PRKN: variants seen among roughly 807,000 people sequenced by gnomAD.
The protein encoded by PRKN is parkin RBR E3 ubiquitin protein ligase.
In PRKN, 56 loss-of-function variants were observed where a neutral mutation model predicts 59.5. That is an observed-to-expected ratio of 0.94 (90% CI 0.76 to 1.18). PRKN has a LOEUF of 1.18. Among genes scored for constraint, PRKN ranks in the 50% most tolerant of loss-of-function variants. The probability of loss-of-function intolerance (pLI) is 0.00; values close to 1 mark genes in which losing one functional copy is unlikely to be tolerated. For missense variants in PRKN, 657 were observed against 596.4 expected, an observed-to-expected ratio of 1.10 and a Z score of -1.06; for synonymous variants, 250 against 222.1, an observed-to-expected ratio of 1.13 and a Z score of -1.12.
At chr6:162,135,697 T>G (rs1049394793) in intron 4 of PRKN, among the ~76,000 whole-genome samples, 14 of 151,982 alleles carry the variant, frequency 9.2e-5, no homozygotes, top group Admixed American at 6.6e-5. Flanking sequence ...AGAGGGTCTT[T>G]GCAATGGGCT....
chr6:161,590,702 C>T (rs1465961191), intron 7 of PRKN, among the ~76,000 whole-genome samples: 1 of 150,096 alleles, frequency 6.7e-6, no homozygotes, highest in East Asian at 2.0e-4. Flanking sequence ...CACTGCACTC[C>T]AGCCTGGGTG....
At chr6:161,853,981 C>T (rs947630234) in intron 6 of PRKN, among the ~76,000 whole-genome samples, 1 of 151,608 alleles carries the variant, frequency 6.6e-6, no homozygotes, top group African/African-American at 2.4e-5. Flanking sequence ...TATGGTGGCT[C>T]ATGCCTGTAA....
At chr6:161,957,406 G>A (rs948361349) in intron 6 of PRKN, among the ~76,000 whole-genome samples, 4 of 131,434 alleles carry the variant, frequency 3.0e-5, no homozygotes, top group Admixed American at 2.3e-4. Context: ...TGTTGTTCTT[G>A]TTGTTTTTTT....
chr6:162,225,886 G>GTATATATATA (rs58925653), intron 3 of PRKN, among the ~76,000 whole-genome samples: 5,220 of 143,008 alleles, frequency 0.037, 144 homozygotes, highest in South Asian at 0.089. Context: ...ATGTAGGGCT[G>GTATATATATA]TATATATATA....
At chr6:161,961,430 T>C (rs143270396) in intron 6 of PRKN, among the ~76,000 whole-genome samples, 156 of 152,310 alleles carry the variant, frequency 1.0e-3, no homozygotes, top group African/African-American at 3.5e-3. Context: ...GTGCATGCTC[T>C]GCTCAAACAC....
At chr6:161,968,169 C>T (rs866868720) in intron 6 of PRKN, among the ~76,000 whole-genome samples, 5 of 149,730 alleles carry the variant, frequency 3.3e-5, no homozygotes, top group East Asian at 2.0e-4. Flanking sequence ...TACAGGCGCG[C>T]GCCACCATGC....
Position 161,643,800 on chromosome 6 carries a change from A to T in PRKN, c.872-74384T>A, listed in dbSNP as rs550165099. Reference sequence around the variant, plus strand: ...TACTAAAACAAGTAAAATTTTTTTTAAAAAAACTTTCATATTAGGCATAAT... The same window carrying T: ...TACTAAAACAAGTAAAATTTTTTTTTAAAAAACTTTCATATTAGGCATAAT... On this transcript the variant is annotated intron_variant, in intron 7 of 11. Transcript: ENST00000366898. Among the ~76,000 whole-genome samples the T allele has an allele frequency of 6.3e-4, 96 of 152,280 alleles. 3 individuals are homozygous for T. In the East Asian group the frequency reaches 0.012, roughly 19 times the overall value.
chr6:161,898,764 G>C (rs1777761858), intron 6 of PRKN, among the ~76,000 whole-genome samples: 1 of 152,152 alleles, frequency 6.6e-6, no homozygotes, highest in Non-Finnish European at 1.5e-5. Context: ...TGATAATTTT[G>C]GTGATTCCCC....
At chr6:161,613,648 A>G (rs546156652) in intron 7 of PRKN, among the ~76,000 whole-genome samples, 1 of 152,280 alleles carries the variant, frequency 6.6e-6, no homozygotes, top group African/African-American at 2.4e-5. Context: ...GTCAAGCTTC[A>G]GCAGCCGCAA....
At chr6:161,664,931 G>C (rs1257198133) in intron 7 of PRKN, among the ~76,000 whole-genome samples, 1 of 151,654 alleles carries the variant, frequency 6.6e-6, no homozygotes, top group Non-Finnish European at 1.5e-5. Context: ...TGGGATTACA[G>C]GTGTGCACCA....
In PRKN at chr6:161,689,715, A is replaced by C. The variant is rs6910912; in HGVS notation, c.871+96057T>G. Among the ~76,000 whole-genome samples the C allele has an allele frequency of 2.9e-4, 43 of 149,556 alleles. 2 individuals carry two copies. In the South Asian group the frequency reaches 8.9e-3, roughly 31 times the overall value. On this transcript the variant is annotated intron_variant, in intron 7 of 11. Transcript: ENST00000366898. ...TGTGAAAGTCATTCTATAAAGAAAA[A>C]TTTTTTTTTTTGAGACAAGAGTTTT...
At chr6:162,367,669 A>C (rs1294459973) in intron 2 of PRKN, among the ~76,000 whole-genome samples, 1 of 152,158 alleles carries the variant, frequency 6.6e-6, no homozygotes, top group Non-Finnish European at 1.5e-5. Context: ...TGTACTATTT[A>C]AAGTACTATT....
chr6:161,713,865 G>A (rs1002496306), intron 7 of PRKN, among the ~76,000 whole-genome samples: 12 of 152,204 alleles, frequency 7.9e-5, no homozygotes, highest in African/African-American at 2.4e-4. Flanking sequence ...TTGCCATGCT[G>A]TTCTCGTGGG....
chr6:161,389,246 C>T (rs1252471936), intron 9 of PRKN, among the ~76,000 whole-genome samples: 1 of 152,154 alleles, frequency 6.6e-6, no homozygotes, highest in Non-Finnish European at 1.5e-5. Flanking sequence ...TTCTCCTTTC[C>T]TACGTCCAAT....
chr6:162,498,038 T>C (rs1793148551), intron 1 of PRKN, among the ~76,000 whole-genome samples: 2 of 152,144 alleles, frequency 1.3e-5, no homozygotes, highest in Admixed American at 6.5e-5. Context: ...ACAATTGTTA[T>C]ATGTCTATTT....
chr6:162,480,792 A>G (rs2128182078), intron 1 of PRKN, among the ~76,000 whole-genome samples: 1 of 152,110 alleles, frequency 6.6e-6, no homozygotes, highest in South Asian at 2.1e-4. Context: ...ATGGAAGGAG[A>G]CAGTGTATTT....
At chr6:161,915,110 C>T (rs1308306584) in intron 6 of PRKN, among the ~76,000 whole-genome samples, 1 of 152,036 alleles carries the variant, frequency 6.6e-6, no homozygotes, top group South Asian at 2.1e-4. Context: ...CATGGTGAAA[C>T]CCCGTCTCTA....
At chr6:161,754,697 C>T (rs934034653) in intron 7 of PRKN, among the ~76,000 whole-genome samples, 11 of 152,154 alleles carry the variant, frequency 7.2e-5, no homozygotes, top group Admixed American at 2.0e-4. Context: ...TCACCACTTC[C>T]GTGCAAAGAT....
intron 9 of PRKN, among the ~76,000 whole-genome samples, chr6:161,394,912 T>G (rs2114964673): frequency 6.6e-6 from 1 of 152,348 alleles, no homozygotes; most frequent in South Asian, 2.1e-4. Flanking sequence ...TTACCATAAC[T>G]TAAAGGGAAA....
Sources: allele counts gnomAD v4.1 joint callset (sites outside exome capture counted in the v4.1 genomes callset), GRCh38; gene constraint gnomAD v4.1.1; transcripts MANE v1.5; gene names NCBI Gene and HGNC (gene_info 2026-07-23, HGNC 2026-07-21).